The following LSG1 variants were observed in gnomAD, a reference collection of about 807,000 sequenced individuals.
LSG1 encodes large 60S subunit nuclear export GTPase 1.
Under a neutral mutation model 82.6 loss-of-function variants are expected in LSG1, and 55 were observed. The ratio of observed to expected loss-of-function variants is 0.67; its 90% CI spans 0.54 to 0.83. The LOEUF (loss-of-function observed/expected upper bound fraction) is 0.83. Among genes scored for constraint, LSG1 ranks in the 40% least tolerant of loss-of-function variants. The probability of loss-of-function intolerance (pLI) is 0.00; values close to 1 mark genes in which losing one functional copy is unlikely to be tolerated. For missense variants in LSG1, 809 were observed against 807.9 expected (o/e 1.00, Z -0.02); for synonymous variants, 272 against 282.5 (o/e 0.96, Z 0.37).
chr3:194,645,585 C>CACACAG (rs1560219886), intron 12 of LSG1, among the ~76,000 whole-genome samples: 1 of 74,652 alleles, frequency 1.3e-5, no homozygotes, highest in Admixed American at 1.4e-4. Context: ...GACACACACA[C>CACACAG]ACACACACAC....
chr3:194,652,866 C>A lies in LSG1; in HGVS notation c.1036G>T (p.Ala346Ser), dbSNP rs372695214. The stretch of plus-strand genomic sequence containing the variant: ...TTCTGTGGGGTTTTCCTGCTCCGAG[C>A]CTCAGAATCTGCAGTAGAGCTTTCC... The part of the protein sequence containing the change: ...WKESSTADSE[A>S]RSRKTPQKRQ... Residue 346 changes from alanine to serine, a missense_variant, in exon 8 of 14, where the codon GCT becomes TCT. By Grantham distance (99) the Ala-to-Ser change is moderately conservative (BLOSUM62 1). Coordinates refer to ENST00000265245, the MANE Select transcript of LSG1 (RefSeq NM_018385.3). The A allele has an allele frequency of 3.7e-6, 6 of 1,613,980 alleles. No individual in the cohort carries two copies. Among genetic ancestry groups the A allele is most frequent in the Non-Finnish European group, 5.1e-6 (6 of 1,180,038 alleles).
intron 7 of LSG1, among the ~76,000 whole-genome samples, chr3:194,653,381 G>GGT (rs1718721268): frequency 6.6e-6 from 1 of 152,016 alleles, no homozygotes; most frequent in Non-Finnish European, 1.5e-5. Flanking sequence ...CAGGCGTGGT[G>GGT]GTGCACACCT....
chr3:194,656,316 C>CAAA, intron 7 of LSG1, among the ~76,000 whole-genome samples: 1 of 81,948 alleles, frequency 1.2e-5, no homozygotes, highest in African/African-American at 3.4e-5. Context: ...AAAAAAACAA[C>CAAA]CCCATCAAAA....
chr3:194,644,390 A>T (rs1353762952), intron 13 of LSG1, among the ~76,000 whole-genome samples, 183 bp downstream of exon 13: 2 of 102,520 alleles, frequency 2.0e-5, no homozygotes, highest in Admixed American at 1.0e-4. Flanking sequence ...ATAAAAATAA[A>T]TAAATAAATA....
chr3:194,670,007 A>G lies in LSG1; in HGVS notation c.226+2T>C. 6.2e-7 allele frequency: 1 copy of G among 1,613,590 alleles called. No homozygotes were observed. Among genetic ancestry groups the G allele is most frequent in the Non-Finnish European group, 8.5e-7 (1 of 1,179,710 alleles). ...ACCTGCACTCAGCAATAAACAACTT[A>G]CCAGCTACAAACTCTGTTCCTGCAA... On this transcript the variant is annotated splice_donor_variant, in intron 2 of 13. Coordinates refer to ENST00000265245, the MANE Select transcript of LSG1 (RefSeq NM_018385.3). LOFTEE classifies it high-confidence loss of function.
At chr3:194,666,388 T>C in intron 3 of LSG1, 64 bp downstream of exon 3, 1 of 1,602,242 alleles carries the variant, frequency 6.2e-7, no homozygotes, top group African/African-American at 1.3e-5. Context: ...AAGAAGCAAT[T>C]TAAAAAATGA....
chr3:194,649,844 T>C (rs1718636921), intron 10 of LSG1, among the ~76,000 whole-genome samples: 1 of 152,284 alleles, frequency 6.6e-6, no homozygotes, highest in East Asian at 1.9e-4. Context: ...TGCTAGTATC[T>C]ACAAAACAAT....
chr3:194,656,225 T>C (rs956284971), intron 7 of LSG1, among the ~76,000 whole-genome samples: 1 of 150,632 alleles, frequency 6.6e-6, no homozygotes, highest in Non-Finnish European at 1.5e-5. Flanking sequence ...ACCTACAGAA[T>C]GGGAGAAAAT....
Position 194,653,010 on chromosome 3 carries a change from G to C in LSG1, c.892C>G (p.Pro298Ala), listed in dbSNP as rs545314078. 4.3e-6 allele frequency: 7 copies of C among 1,614,034 alleles called. No homozygotes were observed. The African/African-American group carries it at 9.3e-5, about 22-fold the overall frequency. ...ARDSPSLSEN[P>A]TTDEDDSEYE... ...TCACTGTCATCTTCATCCGTTGTGG[G>C]ATTTTCACTAAGTGAAGGAGAATCC... The change falls in exon 8 of 14, where the codon CCC (proline) becomes GCC (alanine). Residue 298 changes from proline to alanine, a missense_variant. Transcript: ENST00000265245.
At chr3:194,649,129 A>G (rs1718618567) in intron 10 of LSG1, 2 of 252,484 alleles carry the variant, frequency 7.9e-6, no homozygotes, top group African/African-American at 2.3e-5. Flanking sequence ...AAGCAAGGGG[A>G]GTCTCTGTTT....
At chr3:194,653,518 A>C (rs200028497) in intron 7 of LSG1, among the ~76,000 whole-genome samples, 46,338 of 149,922 alleles carry the variant, frequency 0.31, 7,482 homozygotes, top group Middle Eastern at 0.39. Flanking sequence ...TGTCTCACAA[A>C]AAAAAAAAAA....
rs758579689 is a variant in LSG1 at position 194,659,115 on chromosome 3, T to C, written c.601A>G (p.Met201Val). Residue 201 changes from methionine to valine, a missense_variant, in exon 7 of 14, where the codon ATG (methionine) becomes GTG (valine). Met to Val is a conservative substitution (Grantham distance 21, BLOSUM62 1). Coordinates refer to ENST00000265245, the MANE Select transcript of LSG1 (RefSeq NM_018385.3). The stretch of plus-strand genomic sequence containing the variant: ...ATGACGTTCTCCTTATTGGCATCCA[T>C]TTCTTTCACATAACATTCCTAAGCA... ...CEDLECYVKE[M>V]DANKENVILI... 6 of 1,613,202 alleles carry C rather than the reference T, an allele frequency of 3.7e-6. No homozygotes were observed. The South Asian group carries it at 4.4e-5, about 12-fold the overall frequency.
intron 6 of LSG1, 102 bp from the exon 7 acceptor site, chr3:194,659,235 T>C: frequency 1.2e-6 from 1 of 829,402 alleles, no homozygotes; most frequent in Non-Finnish European, 1.9e-6. Context: ...GCCCCTAGTT[T>C]TAAATCATTT....
intron 12 of LSG1, among the ~76,000 whole-genome samples, chr3:194,645,561 C>CAGACAG (rs1718523141): frequency 1.6e-5 from 1 of 61,424 alleles, no homozygotes; most frequent in African/African-American, 5.9e-5. Flanking sequence ...CACACACACA[C>CAGACAG]ACACACACAG....
At chr3:194,671,357 C>A (rs1298031545) in intron 1 of LSG1, among the ~76,000 whole-genome samples, 4 of 152,314 alleles carry the variant, frequency 2.6e-5, no homozygotes, top group Non-Finnish European at 5.9e-5. Flanking sequence ...ACTCTGCAGA[C>A]TATATGGATG....
intron 13 of LSG1, among the ~76,000 whole-genome samples, chr3:194,642,963 G>C (rs1577249232): frequency 6.6e-6 from 1 of 152,220 alleles, no homozygotes; most frequent in African/African-American, 2.4e-5. Context: ...TGTCCTCAAG[G>C]AATAATACTT....
At chr3:194,648,658 T>C in intron 11 of LSG1, 23 bp downstream of exon 11, 2 of 1,612,724 alleles carry the variant, frequency 1.2e-6, no homozygotes, top group South Asian at 2.2e-5. Context: ...TTTGTTCACA[T>C]TTTCTGATGA....
At position 194,664,353 on chromosome 3, in the gene LSG1, G is replaced by T. The variant is rs182642065; in HGVS notation, c.521+1204C>A. 3.3e-5 allele frequency among the ~76,000 whole-genome samples: 5 copies of T among 152,198 alleles called. No homozygotes were observed. The East Asian group carries it at 9.6e-4, about 29-fold the overall frequency. On this transcript the variant is annotated intron_variant, in intron 5 of 13. Transcript: ENST00000265245. Reference sequence around the variant, plus strand: ...GTGTTCTTACTAGGTTCACTTTATAGATTTCAAAGGAAAAAAAACCAGCCT... The same window carrying T: ...GTGTTCTTACTAGGTTCACTTTATATATTTCAAAGGAAAAAAAACCAGCCT...
intron 5 of LSG1, 93 bp downstream of exon 5, chr3:194,665,464 C>T: frequency 1.3e-6 from 1 of 797,860 alleles, no homozygotes; most frequent in African/African-American, 1.7e-5. Context: ...AGCTTAATTC[C>T]CATACCCTGA....
Sources: allele counts gnomAD v4.1 joint callset (sites outside exome capture counted in the v4.1 genomes callset), GRCh38; gene constraint gnomAD v4.1.1; transcripts MANE v1.5; gene names NCBI Gene and HGNC (gene_info 2026-07-23, HGNC 2026-07-21).